EPB41L4B: variants seen among roughly 807,000 people sequenced by gnomAD.
EPB41L4B encodes band 4.1-like protein 4B.
EPB41L4B carries 30 observed loss-of-function variants against 112.5 expected under a neutral mutation model. The observed-to-expected ratio is 0.27, with a 90% CI of 0.20 to 0.36. EPB41L4B has a LOEUF of 0.36. Among genes scored for constraint, EPB41L4B ranks in the 10% least tolerant of loss-of-function variants. EPB41L4B has a pLI of 1.00. For synonymous variants in EPB41L4B, 408 were observed against 439.7 expected, an observed-to-expected ratio of 0.93 and a Z score of 0.90; for missense variants, 1,024 against 1,133.3, an observed-to-expected ratio of 0.90 and a Z score of 1.38.
At chr9:109,283,349 A>G (rs1443579725) in intron 1 of EPB41L4B, among the ~76,000 whole-genome samples, 1 of 152,268 alleles carries the variant, frequency 6.6e-6, no homozygotes, top group Non-Finnish European at 1.5e-5. Context: ...AGTAACACAA[A>G]GTAAAAACAA....
chr9:109,271,945 C>T (rs1471055480), intron 2 of EPB41L4B, among the ~76,000 whole-genome samples: 5 of 152,184 alleles, frequency 3.3e-5, no homozygotes, highest in Non-Finnish European at 7.4e-5. Flanking sequence ...TCCAATAGTA[C>T]ATCAATTCTG....
intron 1 of EPB41L4B, among the ~76,000 whole-genome samples, chr9:109,286,182 T>C (rs1356023126): frequency 1.3e-5 from 2 of 149,754 alleles, no homozygotes; most frequent in Non-Finnish European, 3.0e-5. Flanking sequence ...GATGGATGGA[T>C]GGATGGATGG....
intron 6 of EPB41L4B, among the ~76,000 whole-genome samples, chr9:109,258,901 G>T (rs560811671): frequency 6.6e-6 from 1 of 152,154 alleles, no homozygotes; most frequent in East Asian, 1.9e-4. Flanking sequence ...GCAGCCACAC[G>T]AGTGATCCGA....
At chr9:109,230,443 C>T (rs1833914838) in intron 15 of EPB41L4B, among the ~76,000 whole-genome samples, 1 of 152,174 alleles carries the variant, frequency 6.6e-6, no homozygotes, top group East Asian at 1.9e-4. Context: ...GCAGACATTG[C>T]ATTTTTGGAC....
chr9:109,256,914 A>ACT (rs1175595659), intron 7 of EPB41L4B, among the ~76,000 whole-genome samples: 1 of 152,210 alleles, frequency 6.6e-6, no homozygotes, highest in Non-Finnish European at 1.5e-5. Context: ...GTGCCATTGC[A>ACT]CTCCAGCCTG....
chr9:109,302,976 G>A (rs947765503), intron 1 of EPB41L4B, among the ~76,000 whole-genome samples: 1 of 151,874 alleles, frequency 6.6e-6, no homozygotes, highest in Admixed American at 6.6e-5. Context: ...AGCTACTCAA[G>A]AGGCTGAGGT....
intron 4 of EPB41L4B, among the ~76,000 whole-genome samples, chr9:109,265,442 T>C (rs977649491): frequency 8.5e-5 from 13 of 152,168 alleles, no homozygotes; most frequent in Non-Finnish European, 5.9e-5. Context: ...CGGTGGATTG[T>C]AACAAAAAGT....
At chr9:109,268,742 C>A (rs1198469515) in intron 2 of EPB41L4B, among the ~76,000 whole-genome samples, 4 of 151,740 alleles carry the variant, frequency 2.6e-5, no homozygotes, top group Non-Finnish European at 5.9e-5. Context: ...ACTAAAAATA[C>A]AAAAATTAGC....
At chr9:109,222,739 T>C (rs764954718) in intron 15 of EPB41L4B, among the ~76,000 whole-genome samples, 6 of 152,128 alleles carry the variant, frequency 3.9e-5, no homozygotes, top group Non-Finnish European at 7.4e-5. Flanking sequence ...AAAAGAAATC[T>C]AGTGTGGAAG....
At chr9:109,251,658 C>T in intron 12 of EPB41L4B, 147 bp from the exon 13 acceptor site, 1 of 758,886 alleles carries the variant, frequency 1.3e-6, no homozygotes, top group Admixed American at 1.9e-5. Flanking sequence ...GGCTACTTCT[C>T]CTTTCCTCAG....
chr9:109,297,483 G>A (rs1488232706), intron 1 of EPB41L4B, among the ~76,000 whole-genome samples: 1 of 152,210 alleles, frequency 6.6e-6, no homozygotes, highest in African/African-American at 2.4e-5. Context: ...TTTTCTGTCT[G>A]TGAACGGAGG....
chr9:109,280,583 T>C (rs1477065020), intron 1 of EPB41L4B, among the ~76,000 whole-genome samples: 1 of 152,182 alleles, frequency 6.6e-6, no homozygotes, highest in Non-Finnish European at 1.5e-5. Context: ...TTCCTGCCCC[T>C]GTAAAACGGG....
intron 19 of EPB41L4B, 40 bp from the exon 20 acceptor site, chr9:109,200,374 A>G (rs1832782666): frequency 6.6e-7 from 1 of 1,516,760 alleles, no homozygotes; most frequent in Admixed American, 1.7e-5. Flanking sequence ...CCATCAAAAA[A>G]GGTTTATGGT....
chr9:109,193,729 A>G (rs1479580258), intron 21 of EPB41L4B, among the ~76,000 whole-genome samples: 1 of 152,372 alleles, frequency 6.6e-6, no homozygotes, highest in Middle Eastern at 3.4e-3. Context: ...AGCCTTTGTC[A>G]TAGCCCATTC....
intron 2 of EPB41L4B, among the ~76,000 whole-genome samples, chr9:109,278,184 G>T (rs1190648286): frequency 2.0e-5 from 3 of 152,192 alleles, no homozygotes; most frequent in Non-Finnish European, 4.4e-5. Flanking sequence ...CTTCTCCCGG[G>T]TCCGGTGGAC....
At chr9:109,229,062 T>C (rs1833871950) in intron 15 of EPB41L4B, among the ~76,000 whole-genome samples, 1 of 152,168 alleles carries the variant, frequency 6.6e-6, no homozygotes, top group Non-Finnish European at 1.5e-5. Flanking sequence ...ACCTAATATG[T>C]ACCCACACAA....
At chr9:109,268,261 T>C (rs1835478518) in intron 3 of EPB41L4B, 130 bp downstream of exon 3, 1 of 800,298 alleles carries the variant, frequency 1.2e-6, no homozygotes. Context: ...TTAAAAATCA[T>C]CCACTTAATA....
rs759015800 is a variant in EPB41L4B, at chr9:109,255,724, C to T, written c.1000-44G>A. On this transcript the variant is annotated intron_variant, in intron 10 of 25. Coordinates refer to ENST00000374566, the MANE Select transcript of EPB41L4B (RefSeq NM_019114.5). Reference sequence around the variant, plus strand: ...GGGCCTCGAGTGGGCGTTTGCAACCCCAACACAGGATTTTCACAGCAAGGG... The same window carrying T: ...GGGCCTCGAGTGGGCGTTTGCAACCTCAACACAGGATTTTCACAGCAAGGG... 3.7e-6 allele frequency: 6 copies of T among 1,611,042 alleles called. No individual in the cohort carries two copies. In the South Asian group the frequency reaches 4.4e-5, roughly 12 times the overall value.
At chr9:109,299,077 C>T (rs1312715335) in intron 1 of EPB41L4B, among the ~76,000 whole-genome samples, 1 of 152,150 alleles carries the variant, frequency 6.6e-6, no homozygotes, top group Non-Finnish European at 1.5e-5. Flanking sequence ...AGACAGGGGA[C>T]ATTCTAACGA....
Sources: allele counts gnomAD v4.1 joint callset (sites outside exome capture counted in the v4.1 genomes callset), GRCh38; gene constraint gnomAD v4.1.1; transcripts MANE v1.5; gene names NCBI Gene and HGNC (gene_info 2026-07-23, HGNC 2026-07-21).